The following TBC1D19 variants were observed in gnomAD, a reference collection of about 807,000 sequenced individuals.
The protein encoded by TBC1D19 is TBC1 domain family, member 19.
TBC1D19 carries 60 observed loss-of-function variants against 89.0 expected under a neutral mutation model. That is an observed-to-expected ratio of 0.67 (90% confidence interval 0.55 to 0.84). The LOEUF (loss-of-function observed/expected upper bound fraction) is 0.84. Among genes scored for constraint, TBC1D19 ranks in the 40% least tolerant of loss-of-function variants. The probability of loss-of-function intolerance (pLI) is 0.00; values close to 1 mark genes in which losing one functional copy is unlikely to be tolerated. For synonymous variants in TBC1D19, 189 were observed against 199.7 expected, an observed-to-expected ratio of 0.95 and a Z score of 0.45; for missense variants, 500 against 610.8, an observed-to-expected ratio of 0.82 and a Z score of 1.91.
At chr4:26,834,057 A>C in the TBC1D19 span, among the ~76,000 whole-genome samples, 6 of 151,972 alleles carry the variant, frequency 3.9e-5, no homozygotes, top group Non-Finnish European at 8.8e-5. Context: ...TTCTTATGAG[A>C]TCTGGTTGTT....
the TBC1D19 span, among the ~76,000 whole-genome samples, chr4:26,842,535 T>TTCCCTCCC: frequency 5.1e-4 from 64 of 125,680 alleles, no homozygotes; most frequent in African/African-American, 1.2e-3. Context: ...CTTCCCTTCC[T>TTCCCTCCC]TCCCTCCCTC....
chr4:26,842,588 CTTT>C, the TBC1D19 span, among the ~76,000 whole-genome samples: 6,174 of 104,700 alleles, frequency 0.059, 317 homozygotes, highest in South Asian at 0.074. Flanking sequence ...CCCTCCCTTT[CTTT>C]CTTTCTTTCT....
At chr4:26,823,415 T>C in the TBC1D19 span, among the ~76,000 whole-genome samples, 1 of 152,294 alleles carries the variant, frequency 6.6e-6, no homozygotes, top group South Asian at 2.1e-4. Flanking sequence ...GGGTTTGTGA[T>C]ACAATTTGGG....
intron 13 of TBC1D19, among the ~76,000 whole-genome samples, chr4:26,708,301 T>C (rs547748769): frequency 6.6e-6 from 1 of 152,202 alleles, no homozygotes; most frequent in South Asian, 2.1e-4. Context: ...CCATTGCTTG[T>C]GGTCCTCAAG....
At chr4:26,814,174 C>A in the TBC1D19 span, among the ~76,000 whole-genome samples, 1 of 152,224 alleles carries the variant, frequency 6.6e-6, no homozygotes, top group Non-Finnish European at 1.5e-5. Context: ...ACCACGGTCC[C>A]TGTAGTGCCC....
intron 5 of TBC1D19, among the ~76,000 whole-genome samples, 176 bp from the exon 6 acceptor site, chr4:26,638,595 A>G (rs1159599169): frequency 6.6e-6 from 1 of 152,204 alleles, no homozygotes; most frequent in Admixed American, 6.5e-5. Flanking sequence ...TAGATATAAC[A>G]TAATAGTTAA....
chr4:26,848,901 C>T, the TBC1D19 span, among the ~76,000 whole-genome samples: 1 of 152,104 alleles, frequency 6.6e-6, no homozygotes, highest in East Asian at 1.9e-4. Context: ...TATTAAAATA[C>T]ACAAACAGTG....
intron 15 of TBC1D19, among the ~76,000 whole-genome samples, chr4:26,724,842 C>T (rs539608847): frequency 6.6e-6 from 1 of 152,340 alleles, no homozygotes; most frequent in Admixed American, 6.5e-5. Context: ...CCCCAAGTAG[C>T]TCCTACCCCA....
chr4:26,636,075 A>G (rs2110069846), intron 4 of TBC1D19, among the ~76,000 whole-genome samples: 1 of 152,266 alleles, frequency 6.6e-6, no homozygotes, highest in East Asian at 1.9e-4. Flanking sequence ...TAACAGCCAT[A>G]TAAGGGAACT....
the TBC1D19 span, among the ~76,000 whole-genome samples, chr4:26,817,933 A>T: frequency 6.7e-6 from 1 of 148,886 alleles, no homozygotes; most frequent in African/African-American, 2.5e-5. Context: ...ATGCCACTGC[A>T]CTCCAGCCTG....
At chr4:26,590,357 G>T (rs1343653057) in intron 1 of TBC1D19, among the ~76,000 whole-genome samples, 1 of 152,122 alleles carries the variant, frequency 6.6e-6, no homozygotes, top group Non-Finnish European at 1.5e-5. Flanking sequence ...AAGAATTAGG[G>T]TATAAATATT....
chr4:26,849,913 T>G, the TBC1D19 span, among the ~76,000 whole-genome samples: 1 of 152,176 alleles, frequency 6.6e-6, no homozygotes. Flanking sequence ...CGTAGAAAGT[T>G]TTTTTAGGGA....
chr4:26,823,128 A>G, the TBC1D19 span, among the ~76,000 whole-genome samples: 123 of 152,350 alleles, frequency 8.1e-4, 1 homozygote, highest in African/African-American at 2.9e-3. Flanking sequence ...GCAGAAGGCA[A>G]GGAGGAGCAA....
chr4:26,710,511 T>C (rs941840261), intron 13 of TBC1D19, among the ~76,000 whole-genome samples: 10 of 152,198 alleles, frequency 6.6e-5, no homozygotes, highest in African/African-American at 1.7e-4. Context: ...TGTGTCTTTA[T>C]AGCAGCATGA....
chr4:26,783,220 G>T, the TBC1D19 span, among the ~76,000 whole-genome samples: 2 of 152,178 alleles, frequency 1.3e-5, no homozygotes, highest in Non-Finnish European at 2.9e-5. Flanking sequence ...TTTGAAGAAA[G>T]GTTCTGGTCC....
chr4:26,646,717 A>G (rs1411057339), intron 7 of TBC1D19, among the ~76,000 whole-genome samples: 1 of 152,208 alleles, frequency 6.6e-6, no homozygotes, highest in Non-Finnish European at 1.5e-5. Context: ...CAAACACTGC[A>G]TGTTCTCACT....
At chr4:26,656,851 G>A (rs552124720) in intron 7 of TBC1D19, among the ~76,000 whole-genome samples, 44 of 152,120 alleles carry the variant, frequency 2.9e-4, no homozygotes, top group South Asian at 6.2e-4. Context: ...GAGCTGCTGC[G>A]CCCAGACACT....
chr4:26,636,182 A>G (rs138088199), intron 4 of TBC1D19, among the ~76,000 whole-genome samples: 298 of 152,010 alleles, frequency 2.0e-3, no homozygotes, highest in African/African-American at 6.7e-3. Context: ...TTAGGTCTGA[A>G]TTTTGGGACT....
intron 4 of TBC1D19, among the ~76,000 whole-genome samples, chr4:26,630,702 T>C (rs1302479924): frequency 3.9e-5 from 6 of 152,076 alleles, no homozygotes. Context: ...CTGAGTTAAG[T>C]TATATTTGAG....
Sources: allele counts gnomAD v4.1 joint callset (sites outside exome capture counted in the v4.1 genomes callset), GRCh38; gene constraint gnomAD v4.1.1; transcripts MANE v1.5; gene names NCBI Gene and HGNC (gene_info 2026-07-23, HGNC 2026-07-21).